Variants in TTC28 observed in about 807,000 individuals in gnomAD.
The protein encoded by TTC28 is tetratricopeptide repeat domain 28, also known as tetratricopeptide repeat protein 28.
Under a neutral mutation model 198.0 loss-of-function variants are expected in TTC28, and 61 were observed. The ratio of observed to expected loss-of-function variants is 0.31; its 90% CI spans 0.25 to 0.38. TTC28 has a LOEUF of 0.38. Among genes scored for constraint, TTC28 ranks in the 10% least tolerant of loss-of-function variants. The pLI is 1.00. For synonymous variants in TTC28, 1,171 were observed against 1,297.8 expected (o/e 0.90, Z 2.10); for missense variants, 2,678 against 3,164.0 (o/e 0.85, Z 3.69).
chr22:28,162,949 G>A (rs867682651), intron 6 of TTC28, 143 bp downstream of exon 6: 33 of 1,200,352 alleles, frequency 2.7e-5, no homozygotes, highest in Middle Eastern at 2.8e-4. Context: ...GTCTCAAAAA[G>A]AAAAGGAAAA....
intron 2 of TTC28, among the ~76,000 whole-genome samples, chr22:28,591,273 AT>A (rs200904608): frequency 6.7e-6 from 1 of 150,000 alleles, no homozygotes; most frequent in Admixed American, 6.7e-5. Context: ...TCACCTGACT[AT>A]TTTTTTTATA....
At chr22:28,074,361 A>G (rs1941098287) in intron 12 of TTC28, among the ~76,000 whole-genome samples, 1 of 152,210 alleles carries the variant, frequency 6.6e-6, no homozygotes, top group Non-Finnish European at 1.5e-5. Flanking sequence ...CTAGCAGCTG[A>G]CATGGAACCA....
intron 6 of TTC28, among the ~76,000 whole-genome samples, chr22:28,130,983 C>G (rs1943047455): frequency 6.6e-6 from 1 of 152,184 alleles, no homozygotes. Context: ...AGAATATACT[C>G]AATTATCCCT....
chr22:28,243,578 A>T (rs924663067), intron 5 of TTC28, among the ~76,000 whole-genome samples: 3 of 152,126 alleles, frequency 2.0e-5, no homozygotes, highest in Admixed American at 6.6e-5. Flanking sequence ...TGAACTACAG[A>T]CTACAGAGCT....
At chr22:28,632,253 CTTTTT>C (rs765447917) in intron 1 of TTC28, among the ~76,000 whole-genome samples, 8 of 49,670 alleles carry the variant, frequency 1.6e-4, no homozygotes, top group Non-Finnish European at 2.5e-4. Context: ...TTATATTCAA[CTTTTT>C]TTTTTTTTTT....
At chr22:28,576,173 G>GTT (rs929626593) in intron 2 of TTC28, among the ~76,000 whole-genome samples, 1 of 145,672 alleles carries the variant, frequency 6.9e-6, no homozygotes. Flanking sequence ...TCTATGCCCA[G>GTT]TTTTTTTTTT....
intron 2 of TTC28, among the ~76,000 whole-genome samples, chr22:28,471,791 G>A (rs2048099391): frequency 6.6e-6 from 1 of 152,146 alleles, no homozygotes; most frequent in African/African-American, 2.4e-5. Context: ...AGAACACTAG[G>A]AACATTAACA....
chr22:28,146,153 C>T (rs2147001330), intron 6 of TTC28, among the ~76,000 whole-genome samples: 1 of 152,328 alleles, frequency 6.6e-6, no homozygotes, highest in South Asian at 2.1e-4. Context: ...AAGCCCCTAA[C>T]TTGGCTTGTA....
chr22:28,168,010 A>C (rs971132732), intron 5 of TTC28, among the ~76,000 whole-genome samples: 19 of 152,222 alleles, frequency 1.2e-4, no homozygotes, highest in African/African-American at 3.6e-4. Context: ...AATCACAAGC[A>C]TTCCTATACA....
chr22:28,608,905 TAAC>T (rs983781587), intron 2 of TTC28, among the ~76,000 whole-genome samples: 2 of 152,002 alleles, frequency 1.3e-5, no homozygotes, highest in South Asian at 2.1e-4. Context: ...CAAAAGCCAA[TAAC>T]AACAACAACA....
intron 2 of TTC28, among the ~76,000 whole-genome samples, chr22:28,625,579 A>G (rs1206742764): frequency 1.3e-5 from 2 of 152,226 alleles, no homozygotes; most frequent in African/African-American, 4.8e-5. Context: ...CACCATGTTC[A>G]TGGATTCAAA....
intron 5 of TTC28, among the ~76,000 whole-genome samples, chr22:28,226,635 C>T (rs1928362339): frequency 6.6e-6 from 1 of 152,128 alleles, no homozygotes; most frequent in Admixed American, 6.5e-5. Flanking sequence ...ACCATGTTGG[C>T]CAGGCTGGTT....
intron 6 of TTC28, among the ~76,000 whole-genome samples, chr22:28,118,102 A>T (rs898720416): frequency 3.9e-5 from 6 of 152,166 alleles, no homozygotes; most frequent in South Asian, 4.1e-4. Flanking sequence ...AAATTAAATT[A>T]AAAAAAGAAT....
intron 2 of TTC28, among the ~76,000 whole-genome samples, chr22:28,401,974 C>T (rs2046917352): frequency 6.6e-6 from 1 of 152,142 alleles, no homozygotes; most frequent in Non-Finnish European, 1.5e-5. Flanking sequence ...AAAACCCAAG[C>T]TCTCCCTCCC....
intron 1 of TTC28, among the ~76,000 whole-genome samples, chr22:28,640,259 CA>C (rs974266559): frequency 5.0e-4 from 37 of 73,396 alleles, no homozygotes; most frequent in East Asian, 1.3e-3. Flanking sequence ...GACCCCATCT[CA>C]AAAAAAAAAG....
intron 2 of TTC28, among the ~76,000 whole-genome samples, chr22:28,441,262 G>A (rs866520036): frequency 6.6e-6 from 1 of 152,212 alleles, no homozygotes; most frequent in South Asian, 2.1e-4. Flanking sequence ...TATGAATGTA[G>A]AGTTTGCAGA....
intron 6 of TTC28, among the ~76,000 whole-genome samples, chr22:28,109,760 T>C (rs1282352943): frequency 6.6e-6 from 1 of 152,232 alleles, no homozygotes; most frequent in Non-Finnish European, 1.5e-5. Context: ...GAAGCTAGTA[T>C]GCAAACAGGT....
intron 5 of TTC28, among the ~76,000 whole-genome samples, chr22:28,172,205 T>G (rs1252916000): frequency 6.6e-6 from 1 of 152,174 alleles, no homozygotes; most frequent in East Asian, 1.9e-4. Context: ...TGTTCAGAAC[T>G]GCACTGCCCT....
intron 6 of TTC28, among the ~76,000 whole-genome samples, chr22:28,118,091 A>T (rs1346406294): frequency 2.6e-5 from 4 of 152,180 alleles, no homozygotes; most frequent in African/African-American, 9.7e-5. Flanking sequence ...ATAAAAATAC[A>T]AAATTAAATT....
Sources: gnomAD v4.1 joint callset for allele counts (sites outside exome capture counted in the v4.1 genomes callset) on GRCh38, gnomAD v4.1.1 for gene constraint, MANE v1.5 for transcripts, NCBI Gene and HGNC (gene_info 2026-07-23, HGNC 2026-07-21) for gene names.